The following ZFP57 variants were observed in gnomAD, a reference collection of about 807,000 sequenced individuals.
ZFP57 encodes the protein zinc finger protein 57 homolog.
In ZFP57, 12 loss-of-function variants were observed where a neutral mutation model predicts 15.8. That is an observed-to-expected ratio of 0.76 (90% CI 0.49 to 1.23). The LOEUF (loss-of-function observed/expected upper bound fraction) is 1.23. Among genes scored for constraint, ZFP57 ranks in the 50% most tolerant of loss-of-function variants. ZFP57 has a pLI of 0.00. For synonymous variants in ZFP57, 203 were observed against 242.3 expected (o/e 0.84, Z 1.51); for missense variants, 536 against 654.9 (o/e 0.82, Z 1.98).
chr6:29,677,161 T>C lies in ZFP57; in HGVS notation c.-158A>G, dbSNP rs1772117687. ...GTTTGATGTGGCTTCCTGTGACAAA[T>C]GTATCTGCTCCAAGAGGCTGTCTTC... On this transcript the variant is annotated 5_prime_UTR_variant, in exon 2 of 5. Coordinates refer to ENST00000376883, the MANE Select transcript of ZFP57 (RefSeq NM_001109809.5). The C allele has an allele frequency of 2.2e-6, 2 of 930,068 alleles. No individual in the cohort carries two copies. Among genetic ancestry groups the C allele is most frequent in the Non-Finnish European group, 3.4e-6 (2 of 590,768 alleles). 57.6% of individuals were successfully genotyped at this position (930,068 alleles called of 1,614,324 possible).
rs772885845 is a variant in ZFP57 at position 29,676,098 on chromosome 6, A to ATGTG, written c.124-40_124-39insCACA. Reference sequence around the variant, plus strand: ...AGAGACTCAAGAAGTTTATATAAATATATATGTGTGTGTGTGTGTGTGTGT... The same window carrying ATGTG: ...AGAGACTCAAGAAGTTTATATAAATATGTGTATATGTGTGTGTGTGTGTGTGTGT... On this transcript the variant is annotated intron_variant, in intron 2 of 4. Coordinates refer to ENST00000376883, the MANE Select transcript of ZFP57 (RefSeq NM_001109809.5). 300 of 1,299,698 alleles carry ATGTG rather than the reference A, an allele frequency of 2.3e-4. 7 individuals carry two copies. The South Asian group carries it at 2.5e-3, about 11-fold the overall frequency. 80.5% of individuals were successfully genotyped at this position (1,299,698 alleles called of 1,614,324 possible).
At chr6:29,679,329 T>A (rs1384766914) in intron 1 of ZFP57, among the ~76,000 whole-genome samples, 1 of 152,232 alleles carries the variant, frequency 6.6e-6, no homozygotes, top group Non-Finnish European at 1.5e-5. Flanking sequence ...GACTATTTTT[T>A]CCTTTCACTT....
At chr6:29,679,910 CAA>C (rs67398923) in intron 1 of ZFP57, among the ~76,000 whole-genome samples, 3 of 107,248 alleles carry the variant, frequency 2.8e-5, no homozygotes, top group East Asian at 3.2e-4. Context: ...AACAAACAAA[CAA>C]AAAAAAACGC....
chr6:29,674,975 A>T (rs1157054897), intron 4 of ZFP57, among the ~76,000 whole-genome samples: 1 of 151,990 alleles, frequency 6.6e-6, no homozygotes. Flanking sequence ...CAACATGGTG[A>T]AACCCTGTCT....
At position 29,677,768 on chromosome 6, in the gene ZFP57, T is replaced by TACATACACACAC. The variant is rs71550149; in HGVS notation, c.-363-403_-363-402insGTGTGTGTATGT. Among the ~76,000 whole-genome samples, 495 of 149,628 alleles carry TACATACACACAC rather than the reference T, an allele frequency of 3.3e-3. 3 individuals are homozygous for TACATACACACAC. Among genetic ancestry groups the TACATACACACAC allele is most frequent in the African/African-American group, 9.5e-3 (387 of 40,644 alleles). On this transcript the variant is annotated intron_variant, in intron 1 of 4. Transcript: ENST00000376883. Reference sequence around the variant, plus strand: ...AAGATCTCTTCCATGACCAAAATTATACACACACACACACACACACACACA... The same window carrying TACATACACACAC: ...AAGATCTCTTCCATGACCAAAATTATACATACACACACACACACACACACACACACACACACA...
Position 29,676,069 on chromosome 6 carries a change from C to G in ZFP57, c.124-10G>C. On this transcript the variant is annotated splice_polypyrimidine_tract_variant and intron_variant, in intron 2 of 4. Transcript: ENST00000376883. Reference sequence around the variant, plus strand: ...CAAAGGTGACTGGCTTCTGGAAGAACAGGAGAGACTCAAGAAGTTTATATA... The same window carrying G: ...CAAAGGTGACTGGCTTCTGGAAGAAGAGGAGAGACTCAAGAAGTTTATATA... 1.9e-6 allele frequency: 3 copies of G among 1,559,282 alleles called. No homozygotes were observed. Among genetic ancestry groups the G allele is most frequent in the Non-Finnish European group, 1.7e-6 (2 of 1,152,352 alleles).
Position 29,677,063 on chromosome 6 carries a change from G to C in ZFP57, c.-60C>G. 1 of 1,612,858 alleles carries C rather than the reference G, an allele frequency of 6.2e-7. No homozygotes were observed. The highest frequency in any genetic ancestry group is 1.1e-5 in the South Asian group (1 of 91,074). ...CACTCCTGGCCTGGTGCCCAGGCCT[G>C]ACTGGATTCCTTCCTGGGGCTATCT... On this transcript the variant is annotated 5_prime_UTR_variant, in exon 2 of 5. Coordinates refer to ENST00000376883, the MANE Select transcript of ZFP57 (RefSeq NM_001109809.5).
intron 1 of ZFP57, among the ~76,000 whole-genome samples, chr6:29,678,478 C>A (rs924180918): frequency 6.6e-6 from 1 of 152,146 alleles, no homozygotes; most frequent in South Asian, 2.1e-4. Context: ...AGTAGAGACG[C>A]TGGAAATTCA....
At chr6:29,675,851 A>C in intron 3 of ZFP57, 82 bp downstream of exon 3, 1 of 1,571,500 alleles carries the variant, frequency 6.4e-7, no homozygotes, top group East Asian at 2.2e-5. Flanking sequence ...ACTAATTGTA[A>C]GCTGATCTAC....
At chr6:29,675,903 G>T (rs1422590652) in intron 3 of ZFP57, 30 bp downstream of exon 3, 2 of 1,612,922 alleles carry the variant, frequency 1.2e-6, no homozygotes, top group Non-Finnish European at 1.7e-6. Context: ...TTAGGACAGG[G>T]GGCTTGCTGA....
At position 29,673,104 on chromosome 6, in the gene ZFP57, G is replaced by A. The variant is rs1771802920; in HGVS notation, c.1007C>T (p.Thr336Ile). ...CTGGTTCTGGGCCATAGGACCCTCAGTTCTAAATATGGGTTCCTGGGACCT... is the reference window on the plus strand; with the variant it reads ...CTGGTTCTGGGCCATAGGACCCTCAATTCTAAATATGGGTTCCTGGGACCT... ...VARSQEPIFR[T>I]EGPMAQNQAS... Residue 336 changes from threonine to isoleucine, a missense_variant, in exon 5 of 5, where the codon ACT becomes ATT. Coordinates refer to ENST00000376883, the MANE Select transcript of ZFP57 (RefSeq NM_001109809.5). The surrounding 1 kb of genome is among the most constrained non-coding windows in gnomAD (Gnocchi z 4.7). 2 of 1,613,008 alleles carry A rather than the reference G, an allele frequency of 1.2e-6. No individual in the cohort carries two copies. Among genetic ancestry groups the A allele is most frequent in the African/African-American group, 1.3e-5 (1 of 75,022 alleles).
chr6:29,677,187 C>G lies in ZFP57; in HGVS notation c.-184G>C, dbSNP rs1772118672. Reference sequence around the variant, plus strand: ...GTATCTGCTCCAAGAGGCTGTCTTCCTTTTTTGTTCTGCTGTCCAAATTCT... The same window carrying G: ...GTATCTGCTCCAAGAGGCTGTCTTCGTTTTTTGTTCTGCTGTCCAAATTCT... On this transcript the variant is annotated 5_prime_UTR_variant, in exon 2 of 5. Coordinates refer to ENST00000376883, the MANE Select transcript of ZFP57 (RefSeq NM_001109809.5). 5 of 757,708 alleles carry G rather than the reference C, an allele frequency of 6.6e-6. No individual in the cohort carries two copies. The South Asian group carries it at 6.8e-5, about 10-fold the overall frequency. The allele number at this position is 757,708 out of a possible 1,614,324, so 46.9% of individuals were successfully genotyped here.
At chr6:29,680,620 G>A (rs1437274184) in intron 1 of ZFP57, among the ~76,000 whole-genome samples, 1 of 152,166 alleles carries the variant, frequency 6.6e-6, no homozygotes, top group African/African-American at 2.4e-5. Flanking sequence ...GTTTGTCATT[G>A]GGCGCCCAGA....
intron 4 of ZFP57, among the ~76,000 whole-genome samples, chr6:29,674,387 T>C (rs1771970741): frequency 6.6e-6 from 1 of 152,098 alleles, no homozygotes; most frequent in Non-Finnish European, 1.5e-5. Flanking sequence ...AAAGAAAAAA[T>C]TGGCTTTTCA....
chr6:29,676,096 A>ATGTGTG, intron 2 of ZFP57, 37 bp from the exon 3 acceptor site: 2 of 1,066,844 alleles, frequency 1.9e-6, no homozygotes, highest in Non-Finnish European at 2.6e-6. Context: ...GTTTATATAA[A>ATGTGTG]TATATATGTG....
At position 29,673,610 on chromosome 6, in the gene ZFP57, T is replaced by C; in HGVS notation, c.501A>G (p.Gln167=). The part of the protein sequence containing the change: ...AGTMDRTRVL[Q]ASQAGPPFFC... ...AAAAGGGTGGCCCAGCCTGGGATGC[T>C]TGAAGCACCCGGGTCCTGTCCATAG... Residue 167 remains glutamine (Q), a synonymous_variant, in exon 5 of 5, where the codon CAA becomes CAG. Coordinates refer to ENST00000376883, the MANE Select transcript of ZFP57 (RefSeq NM_001109809.5). The surrounding 1 kb of genome is among the most constrained non-coding windows in gnomAD (Gnocchi z 4.7). The C allele has an allele frequency of 6.2e-7, 1 of 1,612,986 alleles. No homozygotes were observed. Among genetic ancestry groups the C allele is most frequent in the Non-Finnish European group, 8.5e-7 (1 of 1,179,978 alleles).
Position 29,675,416 on chromosome 6 carries a change from C to T in ZFP57, c.322G>A (p.Val108Ile). 6.2e-7 allele frequency: 1 copy of T among 1,614,050 alleles called. No individual in the cohort carries two copies. The highest frequency in any genetic ancestry group is 1.3e-5 in the African/African-American group (1 of 75,014). ...AGGCCTTCTGTGTTTGGGAGATGGA[C>T]AAACTCTCTCCACTGTTCCTCTTCT... ...EQEEEQWREF[V>I]HLPNTEGLSE... The change falls in exon 4 of 5, where the codon GTC (valine) becomes ATC (isoleucine). Residue 108 changes from valine to isoleucine, a missense_variant. Val to Ile is a conservative substitution (Grantham distance 29). Transcript: ENST00000376883.
At position 29,677,153 on chromosome 6, in the gene ZFP57, G is replaced by A; in HGVS notation, c.-150C>T. ...GCCCCAGGGTTTGATGTGGCTTCCT[G>A]TGACAAATGTATCTGCTCCAAGAGG... On this transcript the variant is annotated 5_prime_UTR_variant, in exon 2 of 5. Transcript: ENST00000376883. 9.9e-7 allele frequency: 1 copy of A among 1,009,304 alleles called. No individual in the cohort carries two copies. The highest frequency in any genetic ancestry group is 1.5e-6 in the Non-Finnish European group (1 of 657,700). The allele number at this position is 1,009,304 out of a possible 1,614,324, so 62.5% of individuals were successfully genotyped here. A position where few individuals can be genotyped will look rare whatever the true frequency, so the allele number is the denominator to read the frequency against.
rs2127544743 is a variant in ZFP57, at chr6:29,673,445, T to A, written c.666A>T (p.Arg222Ser). The A allele has an allele frequency of 6.2e-7, 1 of 1,613,090 alleles. No homozygotes were observed. Among genetic ancestry groups the A allele is most frequent in the Non-Finnish European group, 8.5e-7 (1 of 1,180,040 alleles). Residue 222 changes from arginine to serine, a missense_variant, in exon 5 of 5, where the codon AGA becomes AGT. Arg to Ser is a moderately radical substitution (Grantham distance 110). Coordinates refer to ENST00000376883, the MANE Select transcript of ZFP57 (RefSeq NM_001109809.5). The surrounding 1 kb of genome is among the most constrained non-coding windows in gnomAD (Gnocchi z 4.7). ...AGGGCCTCTCCCCAAGATGCATGCG[T>A]CTGTGATAGCTGAGGGACTTGGGGC... is the stretch of plus-strand genomic sequence containing the variant. ...FRSPKSLSYH[R>S]RMHLGERPFC...
Sources: allele counts gnomAD v4.1 joint callset (sites outside exome capture counted in the v4.1 genomes callset), GRCh38; gene constraint gnomAD v4.1.1; non-coding constraint Gnocchi (gnomAD v3.1); transcripts MANE v1.5; gene names NCBI Gene and HGNC (gene_info 2026-07-23, HGNC 2026-07-21).